Variants in ZDHHC18 observed in about 807,000 individuals in gnomAD.
ZDHHC18 encodes the protein zDHHC palmitoyltransferase 18.
In ZDHHC18, 23 loss-of-function variants were observed where a neutral mutation model predicts 37.5. The ratio of observed to expected loss-of-function variants is 0.61; its 90% CI spans 0.44 to 0.87. The LOEUF (loss-of-function observed/expected upper bound fraction) is 0.87, where lower values mean the gene tolerates loss of function less well. ZDHHC18 is among the 40% of genes least tolerant of loss of function. The pLI is 0.00. For missense variants in ZDHHC18, 406 were observed against 525.6 expected, an observed-to-expected ratio of 0.77 and a Z score of 2.22; for synonymous variants, 185 against 218.7, an observed-to-expected ratio of 0.85 and a Z score of 1.36.
chr1:26,839,729 T>A (rs2081629031), intron 2 of ZDHHC18, among the ~76,000 whole-genome samples: 1 of 152,220 alleles, frequency 6.6e-6, no homozygotes, highest in Non-Finnish European at 1.5e-5. Flanking sequence ...CTGAAGAGAC[T>A]TGAGTCTTTT....
intron 1 of ZDHHC18, 106 bp downstream of exon 1, chr1:26,827,245 C>T: frequency 1.0e-6 from 1 of 972,728 alleles, no homozygotes; most frequent in South Asian, 3.5e-5. Context: ...CCCTGGTCCT[C>T]ATCCTCCCCG....
In ZDHHC18 at chr1:26,850,688, A is replaced by G. The variant is rs2081698649; in HGVS notation, c.833+82A>G. 5 of 1,475,080 alleles carry G rather than the reference A, an allele frequency of 3.4e-6. No individual in the cohort carries two copies. Among genetic ancestry groups the G allele is most frequent in the Non-Finnish European group, 4.7e-6 (5 of 1,063,870 alleles). 91.4% of individuals were successfully genotyped at this position (1,475,080 alleles called of 1,614,324 possible). On this transcript the variant is annotated intron_variant, in intron 5 of 7. Transcript: ENST00000374142. This position sits in a 1 kb window ranked among gnomAD's most constrained non-coding sequence, Gnocchi z 6.1. ...GGGTGCCCTGCCTCATCCTCTAATC[A>G]GAAGGGAACAGCGTACAGCTCACAT...
At chr1:26,831,431 T>C (rs1266517633) in intron 1 of ZDHHC18, among the ~76,000 whole-genome samples, 1 of 152,194 alleles carries the variant, frequency 6.6e-6, no homozygotes, top group Non-Finnish European at 1.5e-5. Flanking sequence ...TCAAACTATA[T>C]GGAAAGCAAT....
chr1:26,827,953 G>T (rs1165875850), intron 1 of ZDHHC18, among the ~76,000 whole-genome samples: 1 of 152,108 alleles, frequency 6.6e-6, no homozygotes, highest in Non-Finnish European at 1.5e-5. Flanking sequence ...CGTCCCTCTG[G>T]CCTGTTCCAC....
intron 6 of ZDHHC18, among the ~76,000 whole-genome samples, chr1:26,852,515 G>A (rs993179995): frequency 2.6e-5 from 4 of 152,154 alleles, no homozygotes; most frequent in African/African-American, 7.2e-5. Context: ...GGAGTCATCC[G>A]AAACGTTTCC....
chr1:26,853,655 G>A, intron 7 of ZDHHC18, 71 bp from the exon 8 acceptor site: 1 of 1,429,412 alleles, frequency 7.0e-7, no homozygotes, highest in Non-Finnish European at 9.8e-7. Flanking sequence ...GATAGACTCT[G>A]CCGTCCAACC....
chr1:26,848,824 G>C, intron 3 of ZDHHC18, 67 bp downstream of exon 3: 1 of 1,566,988 alleles, frequency 6.4e-7, no homozygotes, highest in Non-Finnish European at 8.7e-7. Flanking sequence ...GGGATGGGGG[G>C]CATCAAGCAT....
intron 1 of ZDHHC18, among the ~76,000 whole-genome samples, 194 bp downstream of exon 1, chr1:26,827,333 C>T (rs1368302012): frequency 4.1e-5 from 6 of 147,914 alleles, no homozygotes; most frequent in Non-Finnish European, 7.5e-5. Flanking sequence ...GATGCCCCAT[C>T]CTCCTTGGTC....
chr1:26,833,053 T>C lies in ZDHHC18; in HGVS notation c.496+446T>C, dbSNP rs569234934. The stretch of plus-strand genomic sequence containing the variant: ...GAGCACCTGCTCTTAAACATTCATA[T>C]ACACTTATTCATTCACTCATCAAAC... On this transcript the variant is annotated intron_variant, in intron 2 of 7. Transcript: ENST00000374142. 2.4e-4 allele frequency among the ~76,000 whole-genome samples: 36 copies of C among 152,374 alleles called. 1 individual carries two copies. In the South Asian group the frequency reaches 7.0e-3, roughly 30 times the overall value.
chr1:26,851,091 C>T, intron 5 of ZDHHC18, 38 bp from the exon 6 acceptor site: 1 of 1,573,674 alleles, frequency 6.4e-7, no homozygotes, highest in Non-Finnish European at 8.7e-7. Flanking sequence ...TGGGAGGCTC[C>T]CCACCCTCCA....
At position 26,826,828 on chromosome 1, in the gene ZDHHC18, G is replaced by T; in HGVS notation, c.24G>T (p.Gln8His). Residue 8 changes from glutamine (Q) to histidine (H), a missense_variant, in exon 1 of 8, where the codon CAG becomes CAT. Gln to His is a conservative substitution (Grantham distance 24). Coordinates refer to ENST00000374142, the MANE Select transcript of ZDHHC18 (RefSeq NM_032283.3). This position sits in a 1 kb window ranked among gnomAD's most constrained non-coding sequence, Gnocchi z 5.2. MKDCEYQ[Q>H]ISPGAAPLPA... ...GCATGAAGGACTGCGAGTACCAGCA[G>T]ATCAGCCCCGGGGCCGCCCCGCTGC... 1 of 981,098 alleles carries T rather than the reference G, an allele frequency of 1.0e-6. No homozygotes were observed. The highest frequency in any genetic ancestry group is 1.2e-6 in the Non-Finnish European group (1 of 828,370). The allele number at this position is 981,098 out of a possible 1,614,324, so 60.8% of individuals were successfully genotyped here. A position where few individuals can be genotyped will look rare whatever the true frequency, so the allele number is the denominator to read the frequency against.
intron 6 of ZDHHC18, among the ~76,000 whole-genome samples, chr1:26,851,518 T>C (rs956840529): frequency 1.3e-5 from 2 of 152,234 alleles, no homozygotes; most frequent in African/African-American, 4.8e-5. Flanking sequence ...GCACGCATGA[T>C]GTTTGGCTGG....
At chr1:26,846,237 G>GAGATATATAGATATATATCTCTAT (rs2081664371) in intron 2 of ZDHHC18, among the ~76,000 whole-genome samples, 3 of 13,832 alleles carry the variant, frequency 2.2e-4, no homozygotes, top group South Asian at 5.2e-3. Flanking sequence ...TATATAGAGA[G>GAGATATATAGATATATATCTCTAT]AGAGATATAT....
chr1:26,837,284 TAC>T (rs1250665604), intron 2 of ZDHHC18, among the ~76,000 whole-genome samples: 3 of 146,878 alleles, frequency 2.0e-5, no homozygotes, highest in African/African-American at 7.4e-5. Context: ...ATATAAAATA[TAC>T]ATTTATATAT....
Position 26,832,514 on chromosome 1 carries a change from G to A in ZDHHC18, c.403G>A (p.Val135Ile). ...PIIAAILFFFVMSCLLQTSFT... is the reference protein window; with the variant it reads ...PIIAAILFFFIMSCLLQTSFT... ...CATCGCTGCCATCCTCTTCTTCTTC[G>A]TCATGAGCTGCCTGCTGCAGACAAG... The change falls in exon 2 of 8, where the codon GTC (valine) becomes ATC (isoleucine). Residue 135 changes from valine to isoleucine, a missense_variant. Coordinates refer to ENST00000374142, the MANE Select transcript of ZDHHC18 (RefSeq NM_032283.3). 4 of 1,614,014 alleles carry A rather than the reference G, an allele frequency of 2.5e-6. No homozygotes were observed. The highest frequency in any genetic ancestry group is 2.5e-6 in the Non-Finnish European group (3 of 1,180,008).
intron 2 of ZDHHC18, among the ~76,000 whole-genome samples, chr1:26,840,581 AC>A (rs1462182975): frequency 6.7e-6 from 1 of 150,058 alleles, no homozygotes; most frequent in African/African-American, 2.5e-5. Flanking sequence ...AGCTGGGATT[AC>A]AGGCATGCGC....
At chr1:26,838,720 G>C (rs181822873) in intron 2 of ZDHHC18, among the ~76,000 whole-genome samples, 28 of 152,346 alleles carry the variant, frequency 1.8e-4, no homozygotes, top group Admixed American at 1.6e-3. Context: ...GATTAGGCAG[G>C]CCCAGAGTCA....
intron 2 of ZDHHC18, among the ~76,000 whole-genome samples, chr1:26,843,282 A>G (rs2081647598): frequency 6.6e-6 from 1 of 151,026 alleles, no homozygotes; most frequent in African/African-American, 2.4e-5. Flanking sequence ...AGCTGGAATT[A>G]TAGGCACGCA....
chr1:26,827,165 CTCCCAGCCCCCTGCCGCGCA>C, intron 1 of ZDHHC18, 26 bp downstream of exon 1: 1 of 1,352,590 alleles, frequency 7.4e-7, no homozygotes. Context: ...TCGGCGCCCC[CTCCCAGCCCCCTGCCGCGCA>C]CCCCACCTTC....
Sources: gnomAD v4.1 joint callset for allele counts (sites outside exome capture counted in the v4.1 genomes callset) on GRCh38, gnomAD v4.1.1 for gene constraint, Gnocchi (gnomAD v3.1) non-coding constraint, MANE v1.5 for transcripts, NCBI Gene and HGNC (gene_info 2026-07-23, HGNC 2026-07-21) for gene names.